LAMA4: variants seen among roughly 807,000 people sequenced by gnomAD.
The protein encoded by LAMA4 is laminin subunit alpha 4.
A neutral mutation model predicts 207.1 loss-of-function variants in LAMA4; 127 were observed. The observed-to-expected ratio is 0.61, with a 90% CI of 0.53 to 0.71. The LOEUF is 0.71. Among genes scored for constraint, LAMA4 ranks in the 30% least tolerant of loss-of-function variants. The pLI is 0.00. For missense variants in LAMA4, 2,093 were observed against 2,246.5 expected, an observed-to-expected ratio of 0.93 and a Z score of 1.38; for synonymous variants, 761 against 816.0, an observed-to-expected ratio of 0.93 and a Z score of 1.15.
chr6:112,159,028 A>G (rs998195423), intron 13 of LAMA4, 148 bp from the exon 14 acceptor site: 97 of 641,230 alleles, frequency 1.5e-4, no homozygotes, highest in Non-Finnish European at 2.1e-4. Context: ...TACTGTAAGT[A>G]TATGTCTATT....
intron 3 of LAMA4, among the ~76,000 whole-genome samples, chr6:112,207,714 G>GTT (rs149448544): frequency 1.1e-4 from 17 of 149,140 alleles, no homozygotes; most frequent in African/African-American, 3.7e-4. Context: ...CAGTAAGGAG[G>GTT]TTTTTTTTTT....
Position 112,187,535 on chromosome 6 carries a change from C to T in LAMA4, c.881G>A (p.Gly294Asp). The change falls in exon 8 of 39, where the codon GGC becomes GAC. Residue 294 changes from glycine (G) to aspartate (D), a missense_variant. Transcript: ENST00000230538. ...LRLAALSIEE[G>D]KSGVLSVSSG... ...GGATACGCTCAGCACCCCGGATTTG[C>T]CTTCCTCGATGGAGAGCGCTGCTAA... is the stretch of plus-strand genomic sequence containing the variant. 6.2e-7 allele frequency: 1 copy of T among 1,614,114 alleles called. No homozygotes were observed. The highest frequency in any genetic ancestry group is 8.5e-7 in the Non-Finnish European group (1 of 1,179,998).
chr6:112,135,877 T>C, intron 25 of LAMA4: 3 of 430,844 alleles, frequency 7.0e-6, no homozygotes, highest in Non-Finnish European at 1.3e-5. Flanking sequence ...TTCTGGTTAA[T>C]TAAGCAATTA....
intron 9 of LAMA4, among the ~76,000 whole-genome samples, chr6:112,184,307 C>T (rs1782550552): frequency 6.8e-6 from 1 of 146,616 alleles, no homozygotes; most frequent in Admixed American, 6.8e-5. Context: ...CTGGCCAGTA[C>T]TGGTGGAATA....
At chr6:112,147,568 A>T (rs1378054966) in intron 18 of LAMA4, among the ~76,000 whole-genome samples, 1 of 152,240 alleles carries the variant, frequency 6.6e-6, no homozygotes, top group African/African-American at 2.4e-5. Context: ...GCGAAATTTC[A>T]CAAGTACTGC....
chr6:112,146,378 T>C (rs1245439474), intron 18 of LAMA4, among the ~76,000 whole-genome samples: 9 of 151,852 alleles, frequency 5.9e-5, no homozygotes, highest in South Asian at 4.2e-4. Flanking sequence ...CAGAGTTTCA[T>C]TGACTGAACA....
chr6:112,240,289 G>T (rs551116000), intron 2 of LAMA4, among the ~76,000 whole-genome samples: 112 of 151,786 alleles, frequency 7.4e-4, no homozygotes, highest in African/African-American at 2.6e-3. Flanking sequence ...TAAATAGTAG[G>T]TGTATATATT....
At chr6:112,208,463 C>T (rs1473268245) in intron 3 of LAMA4, among the ~76,000 whole-genome samples, 1 of 152,202 alleles carries the variant, frequency 6.6e-6, no homozygotes, top group Admixed American at 6.5e-5. Flanking sequence ...ACCCTCACCC[C>T]TGCCATTTTA....
At chr6:112,183,438 C>T (rs1782483316) in intron 9 of LAMA4, among the ~76,000 whole-genome samples, 1 of 152,126 alleles carries the variant, frequency 6.6e-6, no homozygotes, top group African/African-American at 2.4e-5. Flanking sequence ...CATCAACCTC[C>T]TGTGTTGGTG....
chr6:112,222,750 T>TA (rs1340807621), intron 2 of LAMA4, among the ~76,000 whole-genome samples: 1 of 152,220 alleles, frequency 6.6e-6, no homozygotes, highest in African/African-American at 2.4e-5. Context: ...GGACTGTAGA[T>TA]ACCAACAGCC....
intron 20 of LAMA4, 72 bp from the exon 21 acceptor site, chr6:112,141,575 A>G (rs373562897): frequency 1.6e-6 from 2 of 1,222,870 alleles, no homozygotes; most frequent in Non-Finnish European, 1.2e-6. Context: ...TTTAAAGGAC[A>G]ATCAGAAATC....
chr6:112,118,595 AT>A lies in LAMA4; in HGVS notation c.4821+560del. 6.6e-6 allele frequency among the ~76,000 whole-genome samples: 1 copy of A among 152,180 alleles called. No homozygotes were observed. Among genetic ancestry groups the A allele is most frequent in the Admixed American group, 6.6e-5 (1 of 15,266 alleles). ...TTTGATGCATTCCTTTTATTGCTAA[AT>A]TTTTTATAAGTGCAATATTTTTAAT... On this transcript the variant is annotated intron_variant, in intron 34 of 38. Coordinates refer to ENST00000230538, the MANE Select transcript of LAMA4 (RefSeq NM_001105206.3). The surrounding 1 kb of genome is among the most constrained non-coding windows in gnomAD (Gnocchi z 4.6).
chr6:112,118,930 T>G lies in LAMA4; in HGVS notation c.4821+226A>C, dbSNP rs1554325044. Among the ~76,000 whole-genome samples, 1 of 152,236 alleles carries G rather than the reference T, an allele frequency of 6.6e-6. No individual in the cohort carries two copies. On this transcript the variant is annotated intron_variant, in intron 34 of 38. Transcript: ENST00000230538. This position sits in a 1 kb window ranked among gnomAD's most constrained non-coding sequence, Gnocchi z 4.6. ...TGATAATTTATGCCTCTGAAACTTT[T>G]TCATTTGACATCTACCTTAGAATTG... is the stretch of plus-strand genomic sequence containing the variant.
intron 5 of LAMA4, among the ~76,000 whole-genome samples, chr6:112,196,888 A>G (rs7738951): frequency 0.6 from 91,183 of 152,060 alleles, 29,122 homozygotes; most frequent in African/African-American, 0.83. Context: ...TAGTGTGCTG[A>G]GGGAAGAATA....
intron 12 of LAMA4, among the ~76,000 whole-genome samples, chr6:112,166,994 G>C (rs1554340175): frequency 6.6e-6 from 1 of 152,158 alleles, no homozygotes; most frequent in Admixed American, 6.5e-5. Context: ...TTTTGAAGGA[G>C]TATTTTACTT....
At chr6:112,232,858 A>T (rs1425529600) in intron 2 of LAMA4, among the ~76,000 whole-genome samples, 4 of 152,350 alleles carry the variant, frequency 2.6e-5, no homozygotes, top group Non-Finnish European at 5.9e-5. Context: ...CAATTCTGTT[A>T]TCTGTCATTT....
chr6:112,134,991 C>CT (rs1554331096), intron 25 of LAMA4, among the ~76,000 whole-genome samples: 8 of 151,968 alleles, frequency 5.3e-5, no homozygotes, highest in Non-Finnish European at 8.8e-5. Flanking sequence ...CAAAGAACTA[C>CT]ACATATTTTA....
Position 112,133,358 on chromosome 6 carries a change from T to G in LAMA4, c.3687A>C (p.Glu1229Asp), listed in dbSNP as rs1267922005. Residue 1229 changes from glutamate to aspartate, a missense_variant, in exon 27 of 39, where the codon GAA (glutamate) becomes GAC (aspartate). Around this residue, in one of 3 missense-constraint regions of LAMA4, gnomAD observed 1,704 missense variants for 1,788.4 expected, o/e 0.95. Transcript: ENST00000230538. ...ACTGAGTGGTTCTTACAAGTGAGTC[T>G]TCTGGGCATCCATAACCAACTCCCA... Reference protein sequence around the residue: ...ETLGVGYGCPEDSLISRRAYF... With the variant: ...ETLGVGYGCPDDSLISRRAYF... The G allele has an allele frequency of 1.2e-6, 2 of 1,613,634 alleles. No homozygotes were observed. Among genetic ancestry groups the G allele is most frequent in the Non-Finnish European group, 1.7e-6 (2 of 1,179,702 alleles).
chr6:112,175,090 A>T (rs1781943590), intron 11 of LAMA4, among the ~76,000 whole-genome samples: 1 of 152,132 alleles, frequency 6.6e-6, no homozygotes, highest in Non-Finnish European at 1.5e-5. Flanking sequence ...GTGGCATCTC[A>T]GTTGTTTCTC....
Sources: gnomAD v4.1 joint callset for allele counts (sites outside exome capture counted in the v4.1 genomes callset) on GRCh38, gnomAD v4.1.1 for gene constraint, gnomAD v4.1.1 regional missense constraint, Gnocchi (gnomAD v3.1) non-coding constraint, MANE v1.5 for transcripts, NCBI Gene and HGNC (gene_info 2026-07-23, HGNC 2026-07-21) for gene names.